IL6ST: variants seen among roughly 807,000 people sequenced by gnomAD.
The protein encoded by IL6ST is interleukin 6 cytokine family signal transducer.
In IL6ST, 24 loss-of-function variants were observed where a neutral mutation model predicts 91.3. The ratio of observed to expected loss-of-function variants is 0.26; its 90% CI spans 0.19 to 0.37. The LOEUF (loss-of-function observed/expected upper bound fraction) is 0.37, where lower values mean the gene tolerates loss of function less well. Among genes scored for constraint, IL6ST ranks in the 10% least tolerant of loss-of-function variants. The probability of loss-of-function intolerance (pLI) is 1.00; values close to 1 mark genes in which losing one functional copy is unlikely to be tolerated. For synonymous variants in IL6ST, 351 were observed against 373.6 expected (o/e 0.94, Z 0.70); for missense variants, 914 against 1,078.5 (o/e 0.85, Z 2.14).
At chr5:55,959,639 AG>A in intron 8 of IL6ST, 1 of 1,296,914 alleles carries the variant, frequency 7.7e-7, no homozygotes, top group Non-Finnish European at 1.0e-6. Flanking sequence ...CCAAAATTCC[AG>A]GATCAACCGC....
At chr5:55,989,851 T>A (rs76912438) in intron 1 of IL6ST, among the ~76,000 whole-genome samples, 5,172 of 152,106 alleles carry the variant, frequency 0.034, 175 homozygotes, top group African/African-American at 0.087. Flanking sequence ...CATCTTTGAC[T>A]CTAATTGTCA....
At chr5:55,971,415 G>C in intron 3 of IL6ST, among the ~76,000 whole-genome samples, 1 of 152,266 alleles carries the variant, frequency 6.6e-6, no homozygotes, top group South Asian at 2.1e-4. Flanking sequence ...GTCAGTTACT[G>C]TTCTAAAATA....
intron 1 of IL6ST, among the ~76,000 whole-genome samples, chr5:55,984,554 G>A (rs959949061): frequency 3.3e-5 from 5 of 152,174 alleles, no homozygotes; most frequent in Middle Eastern, 3.2e-3. Flanking sequence ...CAGAAGCTAG[G>A]AGAGGCAAAG....
intron 11 of IL6ST, 69 bp from the exon 12 acceptor site, chr5:55,952,420 T>C (rs991888248): frequency 1.3e-5 from 11 of 827,112 alleles, no homozygotes; most frequent in African/African-American, 5.1e-5. Context: ...CCGTAATTTA[T>C]TTTTACATTA....
In IL6ST at chr5:55,941,804, T is replaced by C; in HGVS notation, c.2035A>G (p.Lys679Glu). Residue 679 changes from lysine to glutamate, a missense_variant, in exon 17 of 17, where the codon AAA (lysine) becomes GAA (glutamate). Coordinates refer to ENST00000381298, the MANE Select transcript of IL6ST (RefSeq NM_002184.4). ...HTPPRHNFNS[K>E]DQMYSDGNFT... ...TTGCCATCTGAATACATTTGATCTT[T>C]TGAATTAAAATTGTGCTAAGGAAGA... is the stretch of plus-strand genomic sequence containing the variant. 1 of 1,610,400 alleles carries C rather than the reference T, an allele frequency of 6.2e-7. No individual in the cohort carries two copies. The highest frequency in any genetic ancestry group is 1.1e-5 in the South Asian group (1 of 90,302).
At chr5:55,953,606 G>A (rs967895808) in intron 11 of IL6ST, among the ~76,000 whole-genome samples, 43 of 152,124 alleles carry the variant, frequency 2.8e-4, no homozygotes, top group African/African-American at 7.5e-4. Context: ...GGCTGGTCTC[G>A]AACTCCCGAC....
chr5:55,936,223 C>T lies in IL6ST; in HGVS notation c.*4859G>A. 4.4e-6 allele frequency: 1 copy of T among 225,292 alleles called. No homozygotes were observed. Among genetic ancestry groups the T allele is most frequent in the Admixed American group, 5.7e-5 (1 of 17,492 alleles). The allele number at this position is 225,292 out of a possible 1,614,324, so 14.0% of individuals were successfully genotyped here. A position where few individuals can be genotyped will look rare whatever the true frequency, so the allele number is the denominator to read the frequency against. Reference sequence around the variant, plus strand: ...TAGCAGGAGGATGCCATGTATCAATCTTGAACTTCAAGTCTCACTGCAACA... The same window carrying T: ...TAGCAGGAGGATGCCATGTATCAATTTTGAACTTCAAGTCTCACTGCAACA... On this transcript the variant is annotated 3_prime_UTR_variant, in exon 17 of 17. Coordinates refer to ENST00000381298, the MANE Select transcript of IL6ST (RefSeq NM_002184.4).
intron 2 of IL6ST, among the ~76,000 whole-genome samples, chr5:55,981,699 C>T (rs766077169): frequency 1.3e-5 from 2 of 152,002 alleles, no homozygotes; most frequent in African/African-American, 4.8e-5. Flanking sequence ...TTTTTTCCCT[C>T]CTTTCCTTCT....
intron 2 of IL6ST, 105 bp from the exon 3 acceptor site, chr5:55,976,398 G>T: frequency 2.0e-6 from 1 of 511,240 alleles, no homozygotes; most frequent in Non-Finnish European, 3.3e-6. Flanking sequence ...TCTAAAAGGT[G>T]GTAAAATTCT....
intron 1 of IL6ST, among the ~76,000 whole-genome samples, chr5:55,983,034 C>G: frequency 6.7e-6 from 1 of 149,134 alleles, no homozygotes; most frequent in Non-Finnish European, 1.5e-5. Flanking sequence ...ATGTCTCACT[C>G]CCATCACCAG....
chr5:55,943,558 C>T (rs932814201), intron 15 of IL6ST, among the ~76,000 whole-genome samples: 2 of 152,054 alleles, frequency 1.3e-5, no homozygotes, highest in African/African-American at 4.8e-5. Flanking sequence ...CAGTATTAAA[C>T]TGAATGCAGC....
intron 5 of IL6ST, among the ~76,000 whole-genome samples, chr5:55,965,000 A>G (rs752099670): frequency 6.6e-6 from 1 of 152,192 alleles, no homozygotes; most frequent in African/African-American, 2.4e-5. Context: ...ACTTTTCTGA[A>G]CAAGCCTTAA....
chr5:55,954,827 T>C lies in IL6ST; in HGVS notation c.1433A>G (p.His478Arg), dbSNP rs112901728. The change falls in exon 11 of 17, where the codon CAT becomes CGT. Residue 478 changes from histidine (H) to arginine (R), a missense_variant. Transcript: ENST00000381298. ...TDWQQEDGTV[H>R]RTYLRGNLAE... ...AGGTATACCTCTTAAATAGGTGCGA[T>C]GCACGGTACCATCTTCTTGTTGCCA... 3.1e-6 allele frequency: 5 copies of C among 1,609,836 alleles called. No homozygotes were observed. The highest frequency in any genetic ancestry group is 2.2e-5 in the South Asian group (2 of 89,638).
At chr5:55,989,042 C>G (rs1381084449) in intron 1 of IL6ST, among the ~76,000 whole-genome samples, 1 of 150,528 alleles carries the variant, frequency 6.6e-6, no homozygotes, top group East Asian at 1.9e-4. Flanking sequence ...GGGACAACCA[C>G]TTGAGCCTGG....
At chr5:55,968,471 G>A in intron 4 of IL6ST, 75 bp from the exon 5 acceptor site, 1 of 1,358,000 alleles carries the variant, frequency 7.4e-7, no homozygotes, top group South Asian at 1.2e-5. Context: ...ACTACCCAAG[G>A]CATTTGCGAT....
intron 1 of IL6ST, among the ~76,000 whole-genome samples, chr5:55,992,434 C>T (rs1754387714): frequency 6.6e-6 from 1 of 152,110 alleles, no homozygotes; most frequent in Non-Finnish European, 1.5e-5. Context: ...AATTAATTAA[C>T]CTTCTTGTGC....
At chr5:55,961,677 G>C (rs1001046240) in intron 7 of IL6ST, among the ~76,000 whole-genome samples, 3 of 151,180 alleles carry the variant, frequency 2.0e-5, no homozygotes, top group East Asian at 1.9e-4. Flanking sequence ...AGAATCGCTT[G>C]AACTAGGGAG....
At position 55,951,580 on chromosome 5, in the gene IL6ST, G is replaced by C. The variant is rs202097589; in HGVS notation, c.1724C>G (p.Thr575Arg). ...AGTCAAAGAGGACAATGTATATTCTGTGTGGGAAGAATCCACATTCACAGC... is the reference window on the plus strand; with the variant it reads ...AGTCAAAGAGGACAATGTATATTCTCTGTGGGAAGAATCCACATTCACAGC... ...ETAVNVDSSHTEYTLSSLTSD... is the reference protein window; with the variant it reads ...ETAVNVDSSHREYTLSSLTSD... Residue 575 changes from threonine (T) to arginine (R), a missense_variant, in exon 14 of 17, where the codon ACA (threonine) becomes AGA (arginine). Coordinates refer to ENST00000381298, the MANE Select transcript of IL6ST (RefSeq NM_002184.4). 1 of 1,610,848 alleles carries C rather than the reference G, an allele frequency of 6.2e-7. No homozygotes were observed.
In IL6ST at chr5:55,969,834, C is replaced by A. The variant is rs536592543; in HGVS notation, c.86G>T (p.Gly29Val). 8 of 1,599,916 alleles carry A rather than the reference C, an allele frequency of 5.0e-6. No individual in the cohort carries two copies. Among genetic ancestry groups the A allele is most frequent in the Non-Finnish European group, 6.8e-6 (8 of 1,169,132 alleles). ...ESTGELLDPC[G>V]YISPESPVVQ... is the part of the protein sequence containing the mutation. The stretch of plus-strand genomic sequence containing the variant: ...AACTGGAGATTCAGGACTGATATAA[C>A]CACATGGATCTAGAAGTTCACCTAA... Residue 29 changes from glycine to valine, a missense_variant, in exon 4 of 17, where the codon GGT (glycine) becomes GTT (valine). Physicochemically the swap from Gly to Val is moderately radical, Grantham distance 109 (BLOSUM62 -3). Coordinates refer to ENST00000381298, the MANE Select transcript of IL6ST (RefSeq NM_002184.4).
Sources: allele counts gnomAD v4.1 joint callset (sites outside exome capture counted in the v4.1 genomes callset), GRCh38; gene constraint gnomAD v4.1.1; transcripts MANE v1.5; gene names NCBI Gene and HGNC (gene_info 2026-07-23, HGNC 2026-07-21).